Variants in MGAT4D observed in about 807,000 individuals in gnomAD.
The protein encoded by MGAT4D is MGAT4 family member D.
In MGAT4D, 34 loss-of-function variants were observed where a neutral mutation model predicts 15.9. The ratio of observed to expected loss-of-function variants is 2.14; its 90% CI spans 1.62 to 2.84. The LOEUF (loss-of-function observed/expected upper bound fraction) is 2.84, where lower values mean the gene tolerates loss of function less well. Ranked by LOEUF, MGAT4D falls within the 30% of genes most tolerant of loss-of-function variation. The pLI is 0.00. For synonymous variants in MGAT4D, 112 were observed against 48.2 expected, an observed-to-expected ratio of 2.33 and a Z score of -5.49; for missense variants, 327 against 140.2, an observed-to-expected ratio of 2.33 and a Z score of -6.73.
intron 2 of MGAT4D, among the ~76,000 whole-genome samples, chr4:140,480,234 A>T (rs1341788293): frequency 6.6e-6 from 1 of 152,204 alleles, no homozygotes; most frequent in African/African-American, 2.4e-5. Context: ...AAGGTAATTG[A>T]ATGCAGAAAA....
rs907842526 is a variant in MGAT4D, at chr4:140,492,059, C to A, written c.94+6070G>T. ...CTGCTTTCACTATAGTAATATATAG[C>A]AAAAGTAATGCAGTACTAGCTTGGG... is the stretch of plus-strand genomic sequence containing the variant. On this transcript the variant is annotated intron_variant, in intron 1 of 10. Coordinates refer to ENST00000511113, the MANE Select transcript of MGAT4D (RefSeq NM_001277353.2). Among the ~76,000 whole-genome samples, 3 of 152,180 alleles carry A rather than the reference C, an allele frequency of 2.0e-5. No homozygotes were observed. In the South Asian group the frequency reaches 6.2e-4, roughly 32 times the overall value.
At position 140,479,507 on chromosome 4, in the gene MGAT4D, C is replaced by T; in HGVS notation, c.374G>A (p.Gly125Asp). ...TTTCTTACCACCAGTTTTCCCTTTGCCAATGATTACATCAGGATAAATTCT... is the reference window on the plus strand; with the variant it reads ...TTTCTTACCACCAGTTTTCCCTTTGTCAATGATTACATCAGGATAAATTCT... ...EGRIYPDVIIGKGKTGVSFAL... is the reference protein window; with the variant it reads ...EGRIYPDVIIDKGKTGVSFAL... The change falls in exon 3 of 11, where the codon GGC becomes GAC. Residue 125 changes from glycine (G) to aspartate (D), a missense_variant. Coordinates refer to ENST00000511113, the MANE Select transcript of MGAT4D (RefSeq NM_001277353.2). 1 of 503,850 alleles carries T rather than the reference C, an allele frequency of 2.0e-6. No individual in the cohort carries two copies. The highest frequency in any genetic ancestry group is 3.5e-6 in the Non-Finnish European group (1 of 285,404). The allele number at this position is 503,850 out of a possible 1,614,324, so 31.2% of individuals were successfully genotyped here.
intron 7 of MGAT4D, among the ~76,000 whole-genome samples, chr4:140,461,233 C>T (rs1298185766): frequency 1.3e-5 from 2 of 152,060 alleles, no homozygotes; most frequent in African/African-American, 2.4e-5. Context: ...ATGACATTGC[C>T]ACTAACTAGG....
chr4:140,463,041 A>G (rs575007480), intron 6 of MGAT4D, among the ~76,000 whole-genome samples: 56 of 152,292 alleles, frequency 3.7e-4, no homozygotes, highest in Admixed American at 3.2e-3. Flanking sequence ...GTTGGCCTCC[A>G]TACACACATC....
At chr4:140,485,809 T>TCAAAAAAAAAAA (rs1733075414) in intron 1 of MGAT4D, among the ~76,000 whole-genome samples, 1 of 10,506 alleles carries the variant, frequency 9.5e-5, no homozygotes, top group East Asian at 1.6e-3. Flanking sequence ...AGACCCTGTC[T>TCAAAAAAAAAAA]TAAAAAAAAA....
intron 5 of MGAT4D, among the ~76,000 whole-genome samples, chr4:140,468,049 T>G (rs1346815441): frequency 6.9e-6 from 1 of 144,480 alleles, no homozygotes; most frequent in Admixed American, 7.1e-5. Context: ...AAATTTAATA[T>G]TCACTATTAA....
At position 140,482,240 on chromosome 4, in the gene MGAT4D, G is replaced by C. The variant is rs1732782225; in HGVS notation, c.253+87C>G. 22 of 550,944 alleles carry C rather than the reference G, an allele frequency of 4.0e-5. No homozygotes were observed. In the East Asian group the frequency reaches 6.5e-4, roughly 16 times the overall value. 34.1% of individuals were successfully genotyped at this position (550,944 alleles called of 1,614,324 possible). ...AAAGAACCAGTACTGATATAGTTAA[G>C]TTTATAGAGAGAAGAGGCCCTAAAA... On this transcript the variant is annotated intron_variant, in intron 2 of 10. Transcript: ENST00000511113.
intron 1 of MGAT4D, among the ~76,000 whole-genome samples, chr4:140,486,103 G>A (rs1004573023): frequency 6.6e-6 from 1 of 151,996 alleles, no homozygotes; most frequent in African/African-American, 2.4e-5. Flanking sequence ...CACTCTGAGG[G>A]AGCCCAGCAT....
intron 8 of MGAT4D, chr4:140,457,331 A>G (rs2126706274): frequency 6.6e-6 from 1 of 152,274 alleles, no homozygotes; most frequent in South Asian, 2.1e-4. Context: ...TTCACTTCAA[A>G]GTAAATAATG....
intron 4 of MGAT4D, among the ~76,000 whole-genome samples, chr4:140,472,586 C>T (rs1414546110): frequency 2.0e-5 from 3 of 152,132 alleles, no homozygotes; most frequent in African/African-American, 7.2e-5. Flanking sequence ...AGATAAATCT[C>T]TTATAGTACT....
intron 9 of MGAT4D, among the ~76,000 whole-genome samples, chr4:140,453,427 G>C (rs1391098982): frequency 1.3e-5 from 2 of 151,684 alleles, no homozygotes; most frequent in Non-Finnish European, 2.9e-5. Context: ...GCATTTTAAG[G>C]TGTCCAGCAT....
chr4:140,455,212 G>A (rs1465824457), intron 9 of MGAT4D, among the ~76,000 whole-genome samples: 2 of 152,032 alleles, frequency 1.3e-5, no homozygotes, highest in Non-Finnish European at 2.9e-5. Flanking sequence ...ATAGATTTAA[G>A]TCTATAAGCT....
In MGAT4D at chr4:140,480,391, A is replaced by C. The variant is rs990989009; in HGVS notation, c.254-764T>G. Among the ~76,000 whole-genome samples, 158 of 152,304 alleles carry C rather than the reference A, an allele frequency of 1.0e-3. 1 individual carries two copies. Among genetic ancestry groups the C allele is most frequent in the African/African-American group, 3.5e-3 (144 of 41,586 alleles). ...TAAACCTATGAATTTTTTTAAAAAC[A>C]AAAAAGAAAACCTTCATGACCCTGA... On this transcript the variant is annotated intron_variant, in intron 2 of 10. Transcript: ENST00000511113.
intron 5 of MGAT4D, among the ~76,000 whole-genome samples, chr4:140,470,170 A>C (rs1388209255): frequency 6.6e-6 from 1 of 152,170 alleles, no homozygotes; most frequent in Non-Finnish European, 1.5e-5. Flanking sequence ...CAGTCCTCTG[A>C]AACTTGTTTT....
At chr4:140,453,379 A>G (rs1165753222) in intron 9 of MGAT4D, among the ~76,000 whole-genome samples, 2 of 152,060 alleles carry the variant, frequency 1.3e-5, no homozygotes, top group African/African-American at 2.4e-5. Context: ...GAGCTTCCCA[A>G]TCTATGATCA....
In MGAT4D at chr4:140,474,880, G is replaced by A. The variant is rs2126794520; in HGVS notation, c.458C>T (p.Thr153Ile). 1.4e-6 allele frequency: 1 copy of A among 699,202 alleles called. No homozygotes were observed. The highest frequency in any genetic ancestry group is 1.8e-5 in the African/African-American group (1 of 57,108). 43.3% of individuals were successfully genotyped at this position (699,202 alleles called of 1,614,324 possible). A position where few individuals can be genotyped will look rare whatever the true frequency, so the allele number is the denominator to read the frequency against. ...GNYSYLKQTL[T>I]SVVSRMTLSQ... ...GAGCGTCATCCTGGAGACAACAGAG[G>A]TCAGTGTCTGTTTCAGGTAACTATA... Residue 153 changes from threonine to isoleucine, a missense_variant, in exon 4 of 11, where the codon ACC (threonine) becomes ATC (isoleucine). Transcript: ENST00000511113.
chr4:140,452,176 A>G (rs916490480), intron 9 of MGAT4D, among the ~76,000 whole-genome samples: 1 of 152,044 alleles, frequency 6.6e-6, no homozygotes, highest in Non-Finnish European at 1.5e-5. Context: ...TTTAAAAAAC[A>G]AAAACAAAAA....
intron 1 of MGAT4D, 51 bp downstream of exon 1, chr4:140,498,078 C>T (rs550964423): frequency 1.9e-5 from 13 of 692,746 alleles, no homozygotes; most frequent in South Asian, 1.8e-4. Context: ...TTCCTGCAGC[C>T]CCGAAGCCCC....
chr4:140,481,125 T>G (rs956524706), intron 2 of MGAT4D, among the ~76,000 whole-genome samples: 2 of 151,730 alleles, frequency 1.3e-5, no homozygotes. Context: ...CTGGGCAACA[T>G]AGAGAGACCC....
Sources: allele counts gnomAD v4.1 joint callset (sites outside exome capture counted in the v4.1 genomes callset), GRCh38; gene constraint gnomAD v4.1.1; transcripts MANE v1.5; gene names NCBI Gene and HGNC (gene_info 2026-07-23, HGNC 2026-07-21).